Variants in ABCC4 observed in about 807,000 individuals in gnomAD.
ABCC4 encodes ATP binding cassette subfamily C member 4 (PEL blood group).
A neutral mutation model predicts 168.5 loss-of-function variants in ABCC4; 102 were observed. The ratio of observed to expected loss-of-function variants is 0.61; its 90% confidence interval spans 0.52 to 0.71. The LOEUF is 0.71. Ranked by LOEUF, ABCC4 falls within the 30% of genes least tolerant of loss-of-function variation. The pLI, the probability that ABCC4 is intolerant of heterozygous loss-of-function variation, is 0.00. For synonymous variants in ABCC4, 617 were observed against 590.7 expected, an observed-to-expected ratio of 1.04 and a Z score of -0.65; for missense variants, 1,402 against 1,605.8, an observed-to-expected ratio of 0.87 and a Z score of 2.17.
At chr13:95,201,287 TAAA>T (rs1201008889) in intron 8 of ABCC4, among the ~76,000 whole-genome samples, 1 of 152,048 alleles carries the variant, frequency 6.6e-6, no homozygotes, top group Non-Finnish European at 1.5e-5. Context: ...GGGAAAAAAA[TAAA>T]AAATCCTAAG....
chr13:95,277,880 G>A (rs978709341), intron 1 of ABCC4, among the ~76,000 whole-genome samples: 1 of 152,148 alleles, frequency 6.6e-6, no homozygotes, highest in Non-Finnish European at 1.5e-5. Context: ...TTCAGGTCCT[G>A]GAGAAAGGCA....
rs1016032049 is a variant in ABCC4, at chr13:95,021,137, G to C, written c.*438C>G. On this transcript the variant is annotated 3_prime_UTR_variant, in exon 31 of 31. Coordinates refer to ENST00000645237, the MANE Select transcript of ABCC4 (RefSeq NM_005845.5). ...AGGGGAAATAATGGATCCTAGTTAT[G>C]TCAAAGAAAACAATGAGACAAAATG... is the stretch of plus-strand genomic sequence containing the variant. The C allele has an allele frequency of 6.4e-6, 1 of 155,350 alleles. No homozygotes were observed. The highest frequency in any genetic ancestry group is 1.4e-5 in the Non-Finnish European group (1 of 70,174). 9.6% of individuals were successfully genotyped at this position (155,350 alleles called of 1,614,324 possible).
rs2139243201 is a variant in ABCC4 at position 95,044,296 on chromosome 13, A to G, written c.3599T>C (p.Ile1200Thr). 6.2e-7 allele frequency: 1 copy of G among 1,613,360 alleles called. No individual in the cohort carries two copies. The highest frequency in any genetic ancestry group is 2.2e-5 in the East Asian group (1 of 44,830). The change falls in exon 28 of 31, where the codon ATT (isoleucine) becomes ACT (threonine). Residue 1200 changes from isoleucine to threonine, a missense_variant. Physicochemically the swap from Ile to Thr is moderately conservative, Grantham distance 89. Transcript: ENST00000645237. ...ATCCACATTTGCCGTCGCTTCATCAATAATCAATATCTGATTTTTCCTGAG... is the reference window on the plus strand; with the variant it reads ...ATCCACATTTGCCGTCGCTTCATCAGTAATCAATATCTGATTTTTCCTGAG... ...AILRKNQILI[I>T]DEATANVDPR...
chr13:95,083,337 TTCAAAAATACTTG>T (rs1359442285), intron 20 of ABCC4, 47 bp from the exon 21 acceptor site: 1 of 1,599,528 alleles, frequency 6.3e-7, no homozygotes, highest in Non-Finnish European at 8.5e-7. Flanking sequence ...AAGTATTCTT[TTCAAAAATACTTG>T]CATGAGTTGT....
At chr13:95,210,219 T>A (rs1237814029) in intron 5 of ABCC4, among the ~76,000 whole-genome samples, 1 of 152,248 alleles carries the variant, frequency 6.6e-6, no homozygotes, top group Non-Finnish European at 1.5e-5. Context: ...TGTTCACACC[T>A]GTAATCCCAG....
chr13:95,208,335 C>CAAA (rs757937530), intron 6 of ABCC4, among the ~76,000 whole-genome samples: 42 of 75,802 alleles, frequency 5.5e-4, no homozygotes, highest in Admixed American at 8.3e-4. Context: ...AAGAGGAGAG[C>CAAA]AAAAAAAAAA....
intron 20 of ABCC4, among the ~76,000 whole-genome samples, chr13:95,099,852 C>T (rs1487428138): frequency 6.6e-6 from 1 of 152,156 alleles, no homozygotes; most frequent in African/African-American, 2.4e-5. Flanking sequence ...TCACAAAACT[C>T]ACAAGTAGAA....
At chr13:95,221,528 C>T (rs1487720034) in intron 4 of ABCC4, among the ~76,000 whole-genome samples, 1 of 151,950 alleles carries the variant, frequency 6.6e-6, no homozygotes. Context: ...CATGCCTGAC[C>T]GTTATGTATA....
rs552098619 is a variant in ABCC4, at chr13:95,193,060, G to A, written c.1263+1776C>T. 5.3e-5 allele frequency among the ~76,000 whole-genome samples: 8 copies of A among 152,332 alleles called. 1 individual carries two copies. In the South Asian group the frequency reaches 1.7e-3, roughly 32 times the overall value. On this transcript the variant is annotated intron_variant, in intron 9 of 30. Coordinates refer to ENST00000645237, the MANE Select transcript of ABCC4 (RefSeq NM_005845.5). ...CTGGGAACACATTATTGTTTTGTTGGTAGAGATGGCAGAAATTACATCAGA... is the reference window on the plus strand; with the variant it reads ...CTGGGAACACATTATTGTTTTGTTGATAGAGATGGCAGAAATTACATCAGA...
At chr13:95,299,083 T>C (rs1306548709) in intron 1 of ABCC4, among the ~76,000 whole-genome samples, 3 of 151,636 alleles carry the variant, frequency 2.0e-5, no homozygotes, top group African/African-American at 4.9e-5. Context: ...TAGAGAGCCC[T>C]ATCTCTACAA....
At chr13:95,024,565 T>C (rs929796344) in intron 30 of ABCC4, among the ~76,000 whole-genome samples, 26 of 152,236 alleles carry the variant, frequency 1.7e-4, no homozygotes, top group African/African-American at 6.0e-4. Flanking sequence ...TGGGCTTTGA[T>C]TGACATTGCA....
intron 1 of ABCC4, among the ~76,000 whole-genome samples, chr13:95,290,738 A>G (rs1343044202): frequency 2.7e-5 from 4 of 146,010 alleles, no homozygotes; most frequent in Non-Finnish European, 6.0e-5. Flanking sequence ...AAAAGAGGAA[A>G]TCGTGAGGCC....
intron 14 of ABCC4, 65 bp from the exon 15 acceptor site, chr13:95,166,432 T>C: frequency 7.3e-7 from 1 of 1,366,690 alleles, no homozygotes; most frequent in Non-Finnish European, 1.0e-6. Context: ...CCTAATCTAA[T>C]TCTAATCCAG....
chr13:95,210,151 T>G (rs925543505), intron 5 of ABCC4, among the ~76,000 whole-genome samples: 1 of 152,212 alleles, frequency 6.6e-6, no homozygotes, highest in Non-Finnish European at 1.5e-5. Context: ...TAGAATGCCC[T>G]GGAAAAATGA....
chr13:95,156,984 C>T (rs766663656), intron 19 of ABCC4, among the ~76,000 whole-genome samples: 1 of 151,804 alleles, frequency 6.6e-6, no homozygotes, highest in East Asian at 1.9e-4. Context: ...CCCAGCTACT[C>T]GGGAGGCTGA....
At position 95,090,410 on chromosome 13, in the gene ABCC4, C is replaced by T. The variant is rs528972830; in HGVS notation, c.2536-7120G>A. ...CCGGAACAGGTGCTGGTATCCATGGCTGAGAGACCCAAAGAGATCTCTGTG... is the reference window on the plus strand; with the variant it reads ...CCGGAACAGGTGCTGGTATCCATGGTTGAGAGACCCAAAGAGATCTCTGTG... On this transcript the variant is annotated intron_variant, in intron 20 of 30. Transcript: ENST00000645237. Among the ~76,000 whole-genome samples the T allele has an allele frequency of 3.3e-5, 5 of 152,318 alleles. No individual in the cohort carries two copies. The East Asian group carries it at 9.7e-4, about 29-fold the overall frequency.
chr13:95,227,363 A>C (rs1304467676), intron 4 of ABCC4, among the ~76,000 whole-genome samples: 1 of 152,254 alleles, frequency 6.6e-6, no homozygotes, highest in Non-Finnish European at 1.5e-5. Context: ...ATGCCCAGGT[A>C]CAATTCAAGT....
chr13:95,057,772 T>G (rs2033121047), intron 26 of ABCC4, among the ~76,000 whole-genome samples: 1 of 152,254 alleles, frequency 6.6e-6, no homozygotes, highest in Non-Finnish European at 1.5e-5. Context: ...CCATGCAGGC[T>G]AGACTTGCCC....
chr13:95,299,783 G>A (rs902148020), intron 1 of ABCC4, among the ~76,000 whole-genome samples: 1 of 152,062 alleles, frequency 6.6e-6, no homozygotes, highest in African/African-American at 2.4e-5. Context: ...TCATCCAAGT[G>A]AGATTGAAGC....
Sources: allele counts gnomAD v4.1 joint callset (sites outside exome capture counted in the v4.1 genomes callset), GRCh38; gene constraint gnomAD v4.1.1; transcripts MANE v1.5; gene names NCBI Gene and HGNC (gene_info 2026-07-23, HGNC 2026-07-21).